Variants in ADGRG2 observed in about 807,000 individuals in gnomAD.
The protein encoded by ADGRG2 is adhesion G protein-coupled receptor G2, also known as G protein-coupled receptor 64.
Under a neutral mutation model 74.1 loss-of-function variants are expected in ADGRG2, and 26 were observed. The observed-to-expected ratio is 0.35, with a 90% CI of 0.26 to 0.49. The LOEUF is 0.49. ADGRG2 is among the 20% of genes least tolerant of loss of function. The pLI is 0.99. For synonymous variants in ADGRG2, 296 were observed against 295.2 expected (o/e 1.00, Z -0.03); for missense variants, 619 against 763.1 (o/e 0.81, Z 2.22).
intron 3 of ADGRG2, among the ~76,000 whole-genome samples, chrX:19,057,446 T>C (rs777907167): frequency 5.1e-4 from 57 of 112,024 alleles, no homozygotes; most frequent in African/African-American, 1.7e-3. Flanking sequence ...CCTAGTGCAA[T>C]ACTGTACGTT....
At chrX:18,995,717 A>T (rs907031985) in intron 27 of ADGRG2, among the ~76,000 whole-genome samples, 16 of 112,381 alleles carry the variant, frequency 1.4e-4, no homozygotes, top group African/African-American at 5.2e-4. Context: ...TTGAGATTTT[A>T]AAAATTACCA....
intron 20 of ADGRG2, 92 bp downstream of exon 20, chrX:19,007,143 G>T: frequency 1.1e-6 from 1 of 942,567 alleles, no homozygotes; most frequent in Non-Finnish European, 1.5e-6. Flanking sequence ...GGTTCTTTCT[G>T]CCTGATCTGC....
intron 1 of ADGRG2, among the ~76,000 whole-genome samples, chrX:19,090,354 T>C (rs2061998571): frequency 1.8e-5 from 2 of 111,451 alleles, no homozygotes; most frequent in South Asian, 7.5e-4. Context: ...CTTCTACCCA[T>C]TGCTCCTAGC....
At chrX:19,023,675 G>T (rs1368268763) in intron 12 of ADGRG2, among the ~76,000 whole-genome samples, 2 of 111,653 alleles carry the variant, frequency 1.8e-5, no homozygotes, top group African/African-American at 6.5e-5. Flanking sequence ...CATTTTCTTG[G>T]AGTTTATATT....
At chrX:19,094,129 A>G (rs2062057571) in intron 1 of ADGRG2, among the ~76,000 whole-genome samples, 1 of 111,533 alleles carries the variant, frequency 9.0e-6, no homozygotes, top group African/African-American at 3.3e-5. Context: ...GTGTGGATAG[A>G]TGGATATAGA....
At chrX:19,053,886 G>A (rs1156783879) in intron 3 of ADGRG2, among the ~76,000 whole-genome samples, 2 of 111,559 alleles carry the variant, frequency 1.8e-5, no homozygotes, top group Non-Finnish European at 3.8e-5. Flanking sequence ...GGGCAAAAGA[G>A]AGAGCCAAGT....
intron 15 of ADGRG2, 88 bp from the exon 16 acceptor site, chrX:19,014,162 C>A: frequency 1.4e-6 from 1 of 737,707 alleles, no homozygotes; most frequent in South Asian, 2.8e-5. Flanking sequence ...CATCTGACAC[C>A]GTCAAGTTGA....
At chrX:19,122,520 C>G (rs1328450195), upstream of ADGRG2, 1 of 110,346 alleles carries the variant, frequency 9.1e-6, no homozygotes. Context: ...CGGCCCTCCT[C>G]CCCCCGCCCG....
intron 2 of ADGRG2, among the ~76,000 whole-genome samples, chrX:19,075,617 C>CAAAAAAAAAAAAAAAAAAAA (rs61690480): frequency 2.5e-5 from 1 of 39,474 alleles, no homozygotes; most frequent in Non-Finnish European, 4.9e-5. Flanking sequence ...GACTTCGCCT[C>CAAAAAAAAAAAAAAAAAAAA]AAAAAAAAAA....
intron 28 of ADGRG2, among the ~76,000 whole-genome samples, chrX:18,994,628 A>T (rs1018169119): frequency 6.2e-5 from 7 of 112,454 alleles, no homozygotes; most frequent in African/African-American, 1.9e-4. Flanking sequence ...TAGTTAAGTG[A>T]GGATTTAAAA....
intron 20 of ADGRG2, 87 bp from the exon 21 acceptor site, chrX:19,006,352 A>G: frequency 1.5e-6 from 1 of 668,402 alleles, no homozygotes; most frequent in Non-Finnish European, 2.3e-6. Flanking sequence ...AAAAGAAAAA[A>G]AACTGTGGTT....
At chrX:19,114,115 A>G (rs1478699196) in intron 1 of ADGRG2, among the ~76,000 whole-genome samples, 2 of 108,596 alleles carry the variant, frequency 1.8e-5, no homozygotes, top group East Asian at 2.9e-4. Context: ...GTCCCTGAGA[A>G]GACAAAGAGG....
chrX:18,998,133 G>C (rs149354930), intron 26 of ADGRG2, among the ~76,000 whole-genome samples: 2,516 of 111,833 alleles, frequency 0.022, 79 homozygotes, highest in African/African-American at 0.078. Flanking sequence ...TCTCTTTCCC[G>C]CTGAGTGTCC....
chrX:19,073,133 C>A (rs1201870155), intron 2 of ADGRG2, among the ~76,000 whole-genome samples: 1 of 112,122 alleles, frequency 8.9e-6, no homozygotes, highest in Non-Finnish European at 1.9e-5. Context: ...GCACAGCGTG[C>A]AGAACCAGGA....
rs746223375 is a variant in ADGRG2, at chrX:18,989,919, A to G, written c.*945T>C. 12 of 111,926 alleles carry G rather than the reference A, an allele frequency of 1.1e-4. No homozygotes were observed. Among genetic ancestry groups the G allele is most frequent in the Non-Finnish European group, 2.1e-4 (11 of 53,043 alleles). 9.2% of individuals were successfully genotyped at this position (111,926 alleles called of 1,213,427 possible). On this transcript the variant is annotated 3_prime_UTR_variant, in exon 29 of 29. Coordinates refer to ENST00000379869, the MANE Select transcript of ADGRG2 (RefSeq NM_001079858.3). ...TGTATGTACCTCATCTACGTTCACA[A>G]TTTTCCTGACACATGGTCTGGATGA...
chrX:19,122,191 C>T (rs1012879883), intron 1 of ADGRG2, among the ~76,000 whole-genome samples: 2 of 112,754 alleles, frequency 1.8e-5, no homozygotes, highest in South Asian at 3.6e-4. Flanking sequence ...TCCTTTCCCA[C>T]GGCGCGCGGG....
Position 19,027,307 on chromosome X carries a change from C to A in ADGRG2, c.415-33G>T, listed in dbSNP as rs763252465. ...AAGCATAAAATCATTAAGAATATAA[C>A]AAACATTGTTTTGTTTTTTCACTCT... On this transcript the variant is annotated intron_variant, in intron 10 of 28. Coordinates refer to ENST00000379869, the MANE Select transcript of ADGRG2 (RefSeq NM_001079858.3). The A allele has an allele frequency of 3.3e-6, 3 of 916,558 alleles. No individual in the cohort carries two copies. In the South Asian group the frequency reaches 6.0e-5, roughly 18 times the overall value. 75.5% of individuals were successfully genotyped at this position (916,558 alleles called of 1,213,427 possible).
At position 19,008,888 on chromosome X, in the gene ADGRG2, C is replaced by T. The variant is rs185297392; in HGVS notation, c.1422+738G>A. Among the ~76,000 whole-genome samples, 648 of 111,308 alleles carry T rather than the reference C, an allele frequency of 5.8e-3. 4 individuals are homozygous for T. Among genetic ancestry groups the T allele is most frequent in the African/African-American group, 0.02 (613 of 30,608 alleles). On this transcript the variant is annotated intron_variant, in intron 18 of 28. Coordinates refer to ENST00000379869, the MANE Select transcript of ADGRG2 (RefSeq NM_001079858.3). ...AGGGAAGACTATGAAAATTAAAAAG[C>T]GAGACTTGGTTTCCTTGGGTGTTTG...
chrX:19,117,628 C>T (rs1020851139), intron 1 of ADGRG2, among the ~76,000 whole-genome samples: 8 of 110,598 alleles, frequency 7.2e-5, no homozygotes, highest in African/African-American at 2.6e-4. Flanking sequence ...ACCAGCCTGG[C>T]CAATATGGCA....
Sources: allele counts gnomAD v4.1 joint callset (sites outside exome capture counted in the v4.1 genomes callset), GRCh38; gene constraint gnomAD v4.1.1; transcripts MANE v1.5; gene names NCBI Gene and HGNC (gene_info 2026-07-23, HGNC 2026-07-21).